OR1S2: variants seen among roughly 807,000 people sequenced by gnomAD.
OR1S2 encodes olfactory receptor family 1 subfamily S member 2, also known as olfactory receptor 1S2.
OR1S2 carries 1 observed loss-of-function variant against 1.7 expected under a neutral mutation model. The ratio of observed to expected loss-of-function variants is 0.59; its 90% CI spans 0.21 to 2.81. The LOEUF is 2.81. Among genes scored for constraint, OR1S2 ranks in the 30% most tolerant of loss-of-function variants. The probability of loss-of-function intolerance (pLI) is 0.22; values close to 1 mark genes in which losing one functional copy is unlikely to be tolerated. For synonymous variants in OR1S2, 157 were observed against 145.3 expected, an observed-to-expected ratio of 1.08 and a Z score of -0.58; for missense variants, 391 against 371.6, an observed-to-expected ratio of 1.05 and a Z score of -0.43.
exon 1 of OR1S2, chr11:58,203,535 C>A (rs779125220): frequency 1.8e-5 from 29 of 1,613,946 alleles, no homozygotes; most frequent in East Asian, 2.2e-5. Flanking sequence ...AACTGATAAA[C>A]CCACAATAAA....
exon 1 of OR1S2, chr11:58,203,388 T>A (rs777191016): frequency 1.1e-5 from 18 of 1,613,808 alleles, no homozygotes; most frequent in Non-Finnish European, 1.5e-5. Flanking sequence ...AGTGGTTCCG[T>A]AGAACAGTAA....
At chr11:58,203,726 C>G in exon 1 of OR1S2, 1 of 1,614,010 alleles carries the variant, frequency 6.2e-7, no homozygotes, top group Non-Finnish European at 8.5e-7. Context: ...AAGTGCCGAA[C>G]CTGGCCCGCA....
chr11:58,203,814 G>A lies in OR1S2; in HGVS notation c.329C>T (p.Thr110Ile), dbSNP rs145589079. The A allele has an allele frequency of 1.7e-4, 267 of 1,614,034 alleles. 1 individual carries two copies. The highest frequency in any genetic ancestry group is 7.7e-4 in the African/African-American group (58 of 75,030). ...CATGGTCCCCAAAAGCAAATTGTCA[G>A]TGACGACAAACACAATAGAAAAGTA... is the stretch of plus-strand genomic sequence containing the variant. The change falls in exon 1 of 1, where the codon ACT becomes ATT. Residue 110 changes from threonine to isoleucine, a missense_variant. By Grantham distance (89) the Thr-to-Ile change is moderately conservative. Transcript: ENST00000641683.
At chr11:58,203,729 G>A (rs11229280) in exon 1 of OR1S2, 717,874 of 1,612,344 alleles carry the variant, frequency 0.45, 165,022 homozygotes, top group East Asian at 0.75. Flanking sequence ...TGCCGAACCT[G>A]GCCCGCATGA....
rs1449012028 is a variant in OR1S2 at position 58,203,877 on chromosome 11, C to G, written c.266G>C (p.Ser89Thr). ...GCAGCTCTCATAAGAGATGGATTGG[C>G]TGTTGGTTTGAATATTCACCAGCAT... is the stretch of plus-strand genomic sequence containing the variant. Residue 89 changes from serine (S) to threonine (T), a missense_variant, in exon 1 of 1, where the codon AGC (serine) becomes ACC (threonine). By Grantham distance (58) the Ser-to-Thr change is moderately conservative. Coordinates refer to ENST00000641683, the Ensembl canonical transcript of OR1S2. The G allele has an allele frequency of 5.6e-6, 9 of 1,613,930 alleles. No homozygotes were observed. Among genetic ancestry groups the G allele is most frequent in the Non-Finnish European group, 6.8e-6 (8 of 1,179,978 alleles).
At position 58,203,743 on chromosome 11, in the gene OR1S2, T is replaced by C. The variant is rs747121865; in HGVS notation, c.400A>G (p.Thr134Ala). The C allele has an allele frequency of 8.7e-6, 14 of 1,613,850 alleles. No homozygotes were observed. The highest frequency in any genetic ancestry group is 1.2e-5 in the Non-Finnish European group (14 of 1,179,934). Residue 134 changes from threonine to alanine, a missense_variant, in exon 1 of 1, where the codon ACT becomes GCT. Coordinates refer to ENST00000641683, the Ensembl canonical transcript of OR1S2. ...GTGCCGAACCTGGCCCGCATGAAAGTTGTATAGTTCAGAGGGTGGCAGATC... is the reference window on the plus strand; with the variant it reads ...GTGCCGAACCTGGCCCGCATGAAAGCTGTATAGTTCAGAGGGTGGCAGATC...
Position 58,203,633 on chromosome 11 carries a change from G to A in OR1S2, c.510C>T (p.Asp170=), listed in dbSNP as rs200897586. 3.1e-6 allele frequency: 5 copies of A among 1,614,178 alleles called. No individual in the cohort carries two copies. In the East Asian group the frequency reaches 1.1e-4, roughly 36 times the overall value. ...AGAAGAAGTGTGGGAGAGTGTTGTG[G>A]TCACAGAAGAGCAATTGAATGAGCA... Residue 170 remains aspartate, a synonymous_variant, in exon 1 of 1, where the codon GAC becomes GAT. Coordinates refer to ENST00000641683, the Ensembl canonical transcript of OR1S2.
exon 1 of OR1S2, chr11:58,203,408 C>T: frequency 6.2e-7 from 1 of 1,613,960 alleles, no homozygotes; most frequent in Middle Eastern, 1.6e-4. Context: ...ATGCAATTGT[C>T]AGGTGAGAGC....
exon 1 of OR1S2, chr11:58,203,425 TGGA>T (rs767990826): frequency 6.2e-7 from 1 of 1,613,944 alleles, no homozygotes; most frequent in Non-Finnish European, 8.5e-7. Context: ...GAGCCACAAG[TGGA>T]GAAGGCTTTC....
chr11:58,204,029 A>G lies in OR1S2; in HGVS notation c.114T>C (p.Thr38=), dbSNP rs780703396. 8 of 1,614,056 alleles carry G rather than the reference A, an allele frequency of 5.0e-6. No homozygotes were observed. The South Asian group carries it at 5.5e-5, about 11-fold the overall frequency. Residue 38 remains threonine (T), a synonymous_variant, in exon 1 of 1, where the codon ACT becomes ACC. Transcript: ENST00000641683. Reference sequence around the variant, plus strand: ...CAATGATGAGCCCGTTCCCAACCACAGTGACCACATACATACTCAGGAAAA... The same window carrying G: ...CAATGATGAGCCCGTTCCCAACCACGGTGACCACATACATACTCAGGAAAA...
At position 58,203,348 on chromosome 11, in the gene OR1S2, A is replaced by T. The variant is rs533391345; in HGVS notation, c.795T>A (p.Thr265=). The T allele has an allele frequency of 1.2e-5, 19 of 1,614,014 alleles. No homozygotes were observed. In the Admixed American group the frequency reaches 3.2e-4, roughly 27 times the overall value. ...CAATCTTATCAGTGTCCTCAGGGTG[A>T]GTGGAGGAGGGGAAAAAGTACACGC... Residue 265 remains threonine, a synonymous_variant, in exon 1 of 1, where the codon ACT becomes ACA. Coordinates refer to ENST00000641683, the Ensembl canonical transcript of OR1S2.
exon 1 of OR1S2, chr11:58,204,115 T>C: frequency 6.2e-7 from 1 of 1,613,908 alleles, no homozygotes; most frequent in Non-Finnish European, 8.5e-7. Flanking sequence ...ATGAATTCAG[T>C]GATGGTGGTT....
exon 1 of OR1S2, chr11:58,203,344 G>A: frequency 6.2e-7 from 1 of 1,614,032 alleles, no homozygotes; most frequent in Non-Finnish European, 8.5e-7. Context: ...GTGTCCTCAG[G>A]GTGAGTGGAG....
exon 1 of OR1S2, chr11:58,203,648 T>A (rs138097955): frequency 6.2e-7 from 1 of 1,613,840 alleles, no homozygotes; most frequent in Non-Finnish European, 8.5e-7. Context: ...AGAAGAGCAA[T>A]TGAATGAGCA....
At chr11:58,203,723 G>A (rs11229279) in exon 1 of OR1S2, 555,672 of 1,612,362 alleles carry the variant, frequency 0.34, 100,578 homozygotes, top group East Asian at 0.72. Context: ...GCAAAGTGCC[G>A]AACCTGGCCC....
rs769688464 is a variant in OR1S2 at position 58,203,751 on chromosome 11, T to C, written c.392A>G (p.Asn131Ser). 6.8e-5 allele frequency: 109 copies of C among 1,613,872 alleles called. No individual in the cohort carries two copies. Among genetic ancestry groups the C allele is most frequent in the Non-Finnish European group, 9.1e-5 (107 of 1,179,972 alleles). Residue 131 changes from asparagine to serine, a missense_variant, in exon 1 of 1, where the codon AAC becomes AGC. Coordinates refer to ENST00000641683, the Ensembl canonical transcript of OR1S2. ...CCTGGCCCGCATGAAAGTTGTATAG[T>C]TCAGAGGGTGGCAGATCGCCACAAA... is the stretch of plus-strand genomic sequence containing the variant.
rs112787751 is a variant in OR1S2 at position 58,203,401 on chromosome 11, C to T, written c.742G>A (p.Ala248Thr). ...ACAGTGGTTCCGTAGAACAGTAATG[C>T]AATTGTCAGGTGAGAGCCACAAGTG... Residue 248 changes from alanine (A) to threonine (T), a missense_variant, in exon 1 of 1, where the codon GCA (alanine) becomes ACA (threonine). Transcript: ENST00000641683. The T allele has an allele frequency of 2.1e-5, 34 of 1,613,964 alleles. No homozygotes were observed. The African/African-American group carries it at 3.6e-4, about 17-fold the overall frequency.
At chr11:58,203,209 G>C (rs866068341) in exon 1 of OR1S2, 3 of 1,606,208 alleles carry the variant, frequency 1.9e-6, no homozygotes, top group East Asian at 2.2e-5. Flanking sequence ...GGGCATCAAA[G>C]GGAAGAAATT....
chr11:58,203,928 G>A, exon 1 of OR1S2: 1 of 1,614,084 alleles, frequency 6.2e-7, no homozygotes, highest in Non-Finnish European at 8.5e-7. Context: ...GGAAATGGAG[G>A]AAATATCAGC....
Sources: gnomAD v4.1 joint callset for allele counts on GRCh38, gnomAD v4.1.1 for gene constraint, MANE v1.5 for transcripts, NCBI Gene and HGNC (gene_info 2026-07-23, HGNC 2026-07-21) for gene names.